Variants in FGD1 observed in about 807,000 individuals in gnomAD.
The protein encoded by FGD1 is FYVE, RhoGEF and PH domain-containing protein 1.
In FGD1, 12 loss-of-function variants were observed where a neutral mutation model predicts 65.0. The observed-to-expected ratio is 0.18, with a 90% CI of 0.12 to 0.30. The LOEUF is 0.30. FGD1 is among the 10% of genes least tolerant of loss of function. The probability of loss-of-function intolerance (pLI) is 1.00; values close to 1 mark genes in which losing one functional copy is unlikely to be tolerated. For synonymous variants in FGD1, 333 were observed against 343.9 expected, an observed-to-expected ratio of 0.97 and a Z score of 0.35; for missense variants, 542 against 837.6, an observed-to-expected ratio of 0.65 and a Z score of 4.36.
At chrX:54,486,426 T>G (rs1923278387) in intron 1 of FGD1, among the ~76,000 whole-genome samples, 1 of 111,192 alleles carries the variant, frequency 9.0e-6, no homozygotes. Flanking sequence ...TTTTGTATTT[T>G]TAGTAGAGAC....
chrX:54,450,431 A>G (rs1170357244), intron 12 of FGD1, 130 bp from the exon 13 acceptor site: 16 of 600,860 alleles, frequency 2.7e-5, no homozygotes, highest in Non-Finnish European at 8.5e-6. Context: ...TATTACTTAT[A>G]TGACCTTGGG....
chrX:54,478,948 T>C (rs1177885611), intron 1 of FGD1, among the ~76,000 whole-genome samples: 1 of 111,584 alleles, frequency 9.0e-6, no homozygotes, highest in African/African-American at 3.3e-5. Flanking sequence ...CTATGCGAGG[T>C]GGTAGGGCAG....
chrX:54,458,402 G>A (rs1215241225), intron 8 of FGD1, among the ~76,000 whole-genome samples: 5 of 110,059 alleles, frequency 4.5e-5, no homozygotes, highest in Admixed American at 1.9e-4. Context: ...TTCGCCAGGC[G>A]TGGTGGCACG....
In FGD1 at chrX:54,445,493, AAAAAAAACACAC is replaced by A. The variant is rs1200428234; in HGVS notation, c.*604_*615del. ...AAATAAACTGTATTTTTCTTAAAAA[AAAAAAAACACAC>A]AAAAAAACACAAAAAACTGAGTATC... On this transcript the variant is annotated 3_prime_UTR_variant, in exon 18 of 18. Transcript: ENST00000375135. 2 of 110,410 alleles carry A rather than the reference AAAAAAAACACAC, an allele frequency of 1.8e-5. No homozygotes were observed. Among genetic ancestry groups the A allele is most frequent in the East Asian group, 2.9e-4 (1 of 3,497 alleles). The allele number at this position is 110,410 out of a possible 1,213,427, so 9.1% of individuals were successfully genotyped here. A position where few individuals can be genotyped will look rare whatever the true frequency, so the allele number is the denominator to read the frequency against.
At chrX:54,485,720 A>G (rs151156931) in intron 1 of FGD1, among the ~76,000 whole-genome samples, 3 of 110,130 alleles carry the variant, frequency 2.7e-5, no homozygotes, top group Non-Finnish European at 5.7e-5. Context: ...ATCCTCCCCT[A>G]TCAGCCTCCG....
intron 1 of FGD1, among the ~76,000 whole-genome samples, chrX:54,483,216 C>T (rs922084932): frequency 9.0e-6 from 1 of 111,721 alleles, no homozygotes; most frequent in East Asian, 2.9e-4. Flanking sequence ...CTAAGAGATG[C>T]GGTGAAAGTG....
chrX:54,470,765 A>T lies in FGD1; in HGVS notation c.482-5T>A. 1 of 1,067,471 alleles carries T rather than the reference A, an allele frequency of 9.4e-7. No individual in the cohort carries two copies. Among genetic ancestry groups the T allele is most frequent in the Non-Finnish European group, 1.3e-6 (1 of 789,970 alleles). The allele number at this position is 1,067,471 out of a possible 1,213,427, so 88.0% of individuals were successfully genotyped here. A position where few individuals can be genotyped will look rare whatever the true frequency, so the allele number is the denominator to read the frequency against. ...GGTAGCTGGGCTTTGGGGGCACTGG[A>T]GAGACGAATGGGGAAGAGAGAAGGG... On this transcript the variant is annotated splice_polypyrimidine_tract_variant and splice_region_variant and intron_variant, in intron 2 of 17. Transcript: ENST00000375135.
Position 54,495,175 on chromosome X carries a change from G to T in FGD1, c.258C>A (p.His86Gln). The T allele has an allele frequency of 8.4e-7, 1 of 1,188,505 alleles. No individual in the cohort carries two copies. Among genetic ancestry groups the T allele is most frequent in the East Asian group, 3.1e-5 (1 of 32,723 alleles). The change falls in exon 1 of 18, where the codon CAC (histidine) becomes CAA (glutamine). Residue 86 changes from histidine (H) to glutamine (Q), a missense_variant. His to Gln is a conservative substitution (Grantham distance 24). This residue lies in a region of FGD1 where 297 missense variants were observed against 326.8 expected (regional missense o/e 0.91). Coordinates refer to ENST00000375135, the MANE Select transcript of FGD1 (RefSeq NM_004463.3). The stretch of plus-strand genomic sequence containing the variant: ...GGTGGTAAGAGAAGCGCAGGGCCCG[G>T]TGGTGCTGTGGACTGGGACCGCAGG... ...VLPCGPSPQH[H>Q]RALRFSYHLE... is the part of the protein sequence containing the mutation.
At chrX:54,464,840 T>A (rs1485727609) in intron 8 of FGD1, among the ~76,000 whole-genome samples, 1 of 109,869 alleles carries the variant, frequency 9.1e-6, no homozygotes, top group Non-Finnish European at 1.9e-5. Context: ...GGAGGTTCAT[T>A]CTGGGTAGTG....
rs193164798 is a variant in FGD1, at chrX:54,487,799, A to C, written c.307+7327T>G. Among the ~76,000 whole-genome samples, 339 of 109,327 alleles carry C rather than the reference A, an allele frequency of 3.1e-3. 2 individuals are homozygous for C. Among genetic ancestry groups the C allele is most frequent in the African/African-American group, 0.011 (316 of 29,993 alleles). The allele number at this position is 109,327 out of a possible 115,157, so 94.9% of individuals were successfully genotyped here. On this transcript the variant is annotated intron_variant, in intron 1 of 17. Coordinates refer to ENST00000375135, the MANE Select transcript of FGD1 (RefSeq NM_004463.3). ...ACCATGTCTCTACTAAAAATACAAA[A>C]ATTAGCCAAGCATGGTGGCGGGCGC... is the stretch of plus-strand genomic sequence containing the variant.
At chrX:54,489,214 A>C (rs1194817925) in intron 1 of FGD1, among the ~76,000 whole-genome samples, 2 of 112,772 alleles carry the variant, frequency 1.8e-5, no homozygotes, top group Non-Finnish European at 3.7e-5. Context: ...AACCCCATTA[A>C]AAAGTGGGCA....
At chrX:54,488,321 C>G (rs1172508483) in intron 1 of FGD1, among the ~76,000 whole-genome samples, 1 of 95,138 alleles carries the variant, frequency 1.1e-5, no homozygotes, top group Non-Finnish European at 2.1e-5. Flanking sequence ...TGCGGTGGCT[C>G]ACGCCTGTAA....
At chrX:54,452,843 G>A (rs1398481397) in intron 12 of FGD1, among the ~76,000 whole-genome samples, 1 of 111,222 alleles carries the variant, frequency 9.0e-6, no homozygotes. Context: ...AATTAAATCA[G>A]AATCTCTGCA....
chrX:54,494,865 A>G (rs192726296), intron 1 of FGD1, among the ~76,000 whole-genome samples: 67 of 110,942 alleles, frequency 6.0e-4, no homozygotes, highest in Non-Finnish European at 8.9e-4. Flanking sequence ...TCCCTCTCCC[A>G]TTAGCCTCAG....
At chrX:54,459,417 G>A (rs755426795) in intron 8 of FGD1, among the ~76,000 whole-genome samples, 4 of 110,874 alleles carry the variant, frequency 3.6e-5, no homozygotes, top group Non-Finnish European at 7.6e-5. Flanking sequence ...TCTGGGCTTG[G>A]CAGTCTAGGA....
At chrX:54,474,018 T>C (rs1468962113) in intron 1 of FGD1, among the ~76,000 whole-genome samples, 8 of 110,471 alleles carry the variant, frequency 7.2e-5, no homozygotes, top group Non-Finnish European at 1.1e-4. Flanking sequence ...AAGATACACA[T>C]AGTTTATATG....
At position 54,482,236 on chromosome X, in the gene FGD1, G is replaced by GCACACACACACACACACACA. The variant is rs759070309; in HGVS notation, c.308-10769_308-10750dup. On this transcript the variant is annotated intron_variant, in intron 1 of 17. Transcript: ENST00000375135. ...CAGGCACATGCGCGCGCACACGCGC[G>GCACACACACACACACACACA]CACACACACACACACACACACACAC... is the stretch of plus-strand genomic sequence containing the variant. 4.5e-3 allele frequency among the ~76,000 whole-genome samples: 445 copies of GCACACACACACACACACACA among 99,382 alleles called. 4 individuals are homozygous for GCACACACACACACACACACA. Among genetic ancestry groups the GCACACACACACACACACACA allele is most frequent in the Middle Eastern group, 0.016 (3 of 185 alleles). 86.3% of individuals were successfully genotyped at this position (99,382 alleles called of 115,157 possible).
intron 1 of FGD1, among the ~76,000 whole-genome samples, chrX:54,494,260 C>T (rs1923474529): frequency 9.0e-6 from 1 of 111,050 alleles, no homozygotes; most frequent in African/African-American, 3.3e-5. Context: ...CCTATCAGCC[C>T]CTCCAGCCTT....
rs1922869724 is a variant in FGD1, at chrX:54,470,696, AG to A, written c.545del (p.Pro182LeufsTer33). The A allele has an allele frequency of 3.9e-6, 1 of 256,956 alleles. No individual in the cohort carries two copies. The highest frequency in any genetic ancestry group is 5.5e-6 in the Non-Finnish European group (1 of 183,470). The allele number at this position is 256,956 out of a possible 1,213,427, so 21.2% of individuals were successfully genotyped here. ...CGGCAGGCAGTGGGCGTGATGGTGG[AG>A]GGGGGATGGGCTCCAGTGGGGGGGG... ...RMPPPLEPIP[P>X]PPSRPLPADP... On this transcript the variant is annotated frameshift_variant, in exon 3 of 18. Coordinates refer to ENST00000375135, the MANE Select transcript of FGD1 (RefSeq NM_004463.3). LOFTEE classifies it high-confidence loss of function.
Sources: gnomAD v4.1 joint callset for allele counts (sites outside exome capture counted in the v4.1 genomes callset) on GRCh38, gnomAD v4.1.1 for gene constraint, gnomAD v4.1.1 regional missense constraint, MANE v1.5 for transcripts, NCBI Gene and HGNC (gene_info 2026-07-23, HGNC 2026-07-21) for gene names.